Variants in AXDND1 observed in about 807,000 individuals in gnomAD.
The protein encoded by AXDND1 is axonemal dynein light chain domain containing 1.
AXDND1 carries 110 observed loss-of-function variants against 137.5 expected under a neutral mutation model. That is an observed-to-expected ratio of 0.80 (90% confidence interval 0.69 to 0.94). AXDND1 has a LOEUF of 0.94. Among genes scored for constraint, AXDND1 ranks in the 40% least tolerant of loss-of-function variants. The pLI, the probability that AXDND1 is intolerant of heterozygous loss-of-function variation, is 0.00. For synonymous variants in AXDND1, 414 were observed against 399.7 expected, an observed-to-expected ratio of 1.04 and a Z score of -0.43; for missense variants, 1,191 against 1,169.8, an observed-to-expected ratio of 1.02 and a Z score of -0.26.
intron 12 of AXDND1, among the ~76,000 whole-genome samples, chr1:179,426,491 A>T (rs1334309111): frequency 6.6e-6 from 1 of 152,186 alleles, no homozygotes; most frequent in Non-Finnish European, 1.5e-5. Flanking sequence ...TGTACTATTG[A>T]TGGGCATATA....
chr1:179,422,482 T>C (rs910030092), intron 12 of AXDND1, among the ~76,000 whole-genome samples: 4 of 152,216 alleles, frequency 2.6e-5, no homozygotes, highest in African/African-American at 9.6e-5. Flanking sequence ...TATTCCATCA[T>C]TGTGGTCAGA....
intron 12 of AXDND1, among the ~76,000 whole-genome samples, chr1:179,420,737 C>T (rs969313849): frequency 6.6e-6 from 1 of 151,456 alleles, no homozygotes; most frequent in Non-Finnish European, 1.5e-5. Context: ...ATTCTCGTGT[C>T]TCAGCCTCCT....
At chr1:179,395,394 A>G (rs1167876449) in intron 11 of AXDND1, among the ~76,000 whole-genome samples, 192 bp downstream of exon 11, 1 of 152,130 alleles carries the variant, frequency 6.6e-6, no homozygotes, top group Non-Finnish European at 1.5e-5. Flanking sequence ...TCTCTTGGAG[A>G]TAGACCGTTG....
At chr1:179,508,663 T>C (rs1668751929) in intron 20 of AXDND1, among the ~76,000 whole-genome samples, 1 of 152,146 alleles carries the variant, frequency 6.6e-6, no homozygotes, top group Non-Finnish European at 1.5e-5. Flanking sequence ...GAGCACCTTT[T>C]CCAAAAGTGT....
At position 179,366,508 on chromosome 1, in the gene AXDND1, T is replaced by A. The variant is rs1667420803; in HGVS notation, c.-2T>A. 1 of 1,607,392 alleles carries A rather than the reference T, an allele frequency of 6.2e-7. No homozygotes were observed. Among genetic ancestry groups the A allele is most frequent in the African/African-American group, 1.3e-5 (1 of 74,862 alleles). On this transcript the variant is annotated 5_prime_UTR_variant, in exon 2 of 26. Coordinates refer to ENST00000367618, the MANE Select transcript of AXDND1 (RefSeq NM_144696.6). ...CTAAAGAGATAGGAGGCATTGTTTA[T>A]TATGTCTCTCCCGAAAACGCCCTCC... is the stretch of plus-strand genomic sequence containing the variant.
intron 17 of AXDND1, among the ~76,000 whole-genome samples, chr1:179,472,385 T>G (rs1664064760): frequency 6.6e-6 from 1 of 152,224 alleles, no homozygotes; most frequent in African/African-American, 2.4e-5. Context: ...ATTCTAGCAT[T>G]AAAATTATAG....
At chr1:179,470,546 T>C (rs1663794040) in intron 17 of AXDND1, among the ~76,000 whole-genome samples, 1 of 152,166 alleles carries the variant, frequency 6.6e-6, no homozygotes, top group Non-Finnish European at 1.5e-5. Flanking sequence ...TTAAATGTTA[T>C]TGCAAATAAG....
At chr1:179,368,407 A>G (rs1667688374) in intron 2 of AXDND1, among the ~76,000 whole-genome samples, 1 of 152,218 alleles carries the variant, frequency 6.6e-6, no homozygotes, top group Non-Finnish European at 1.5e-5. Flanking sequence ...AAATTACTAA[A>G]TAATTTGACA....
rs182996209 is a variant in AXDND1 at position 179,503,555 on chromosome 1, A to T, written c.2389-5741A>T. ...TTTTTTTAATTTTTATTTTTATTTT[A>T]ATTTTATTGTTATTATACTTTAAGT... On this transcript the variant is annotated intron_variant, in intron 20 of 25. Transcript: ENST00000367618. Among the ~76,000 whole-genome samples, 47 of 151,428 alleles carry T rather than the reference A, an allele frequency of 3.1e-4. No homozygotes were observed. The East Asian group carries it at 3.3e-3, about 11-fold the overall frequency.
At position 179,379,425 on chromosome 1, in the gene AXDND1, C is replaced by T. The variant is rs1449251530; in HGVS notation, c.524C>T (p.Pro175Leu). The T allele has an allele frequency of 6.2e-6, 10 of 1,613,190 alleles. No individual in the cohort carries two copies. The highest frequency in any genetic ancestry group is 2.7e-5 in the African/African-American group (2 of 74,800). ...AAGACACTAACAGATACTTTGATTC[C>T]TGAAGAATTTCATATTGTGTCAAGT... is the stretch of plus-strand genomic sequence containing the variant. The part of the protein sequence containing the change: ...KPKTLTDTLI[P>L]EEFHIVSSTG... The change falls in exon 6 of 26, where the codon CCT becomes CTT. Residue 175 changes from proline to leucine, a missense_variant. Physicochemically the swap from Pro to Leu is moderately conservative, Grantham distance 98. Coordinates refer to ENST00000367618, the MANE Select transcript of AXDND1 (RefSeq NM_144696.6).
In AXDND1 at chr1:179,430,548, A is replaced by G; in HGVS notation, c.1429A>G (p.Thr477Ala). The change falls in exon 14 of 26, where the codon ACA becomes GCA. Residue 477 changes from threonine (T) to alanine (A), a missense_variant. Transcript: ENST00000367618. The part of the protein sequence containing the change: ...KQEVEQMEES[T>A]SETLKIVKDG... ...AGAGGTAGAACAAATGGAAGAGTCT[A>G]CAAGCGAGACACTGAAAATTGTTAA... The G allele has an allele frequency of 6.2e-7, 1 of 1,614,010 alleles. No individual in the cohort carries two copies. Among genetic ancestry groups the G allele is most frequent in the Non-Finnish European group, 8.5e-7 (1 of 1,179,970 alleles).
At chr1:179,393,053 A>G (rs572489651) in intron 9 of AXDND1, among the ~76,000 whole-genome samples, 1 of 152,310 alleles carries the variant, frequency 6.6e-6, no homozygotes, top group South Asian at 2.1e-4. Flanking sequence ...GCCTAAGCCA[A>G]TGTCTAGAAG....
chr1:179,369,260 TA>T (rs1451830545), intron 3 of AXDND1, among the ~76,000 whole-genome samples: 1 of 151,520 alleles, frequency 6.6e-6, no homozygotes, highest in African/African-American at 2.4e-5. Flanking sequence ...GTATTTTTCA[TA>T]GAGACGGAGT....
chr1:179,413,026 T>C (rs1405275192), intron 12 of AXDND1, among the ~76,000 whole-genome samples: 1 of 152,162 alleles, frequency 6.6e-6, no homozygotes, highest in Non-Finnish European at 1.5e-5. Context: ...TCTGTGTCAA[T>C]TGAGATTACT....
intron 11 of AXDND1, among the ~76,000 whole-genome samples, chr1:179,396,426 G>A (rs924213586): frequency 6.6e-6 from 1 of 152,068 alleles, no homozygotes; most frequent in African/African-American, 2.4e-5. Context: ...GAGGTGGGTG[G>A]ATGATGAGGT....
At chr1:179,457,310 T>G (rs1661556073) in intron 16 of AXDND1, 1 of 625,454 alleles carries the variant, frequency 1.6e-6, no homozygotes, top group African/African-American at 1.8e-5. Flanking sequence ...GTTTGGGCTC[T>G]TTAGGAGACT....
At chr1:179,380,608 A>G (rs1648102076) in intron 6 of AXDND1, among the ~76,000 whole-genome samples, 1 of 152,202 alleles carries the variant, frequency 6.6e-6, no homozygotes, top group Non-Finnish European at 1.5e-5. Flanking sequence ...TGAATGTTTT[A>G]TAGTTTAGAA....
rs184455170 is a variant in AXDND1 at position 179,449,218 on chromosome 1, G to A, written c.1798+4014G>A. 2.0e-3 allele frequency: 847 copies of A among 421,538 alleles called. 4 individuals carry two copies. Among genetic ancestry groups the A allele is most frequent in the South Asian group, 3.8e-3 (223 of 58,790 alleles). The allele number at this position is 421,538 out of a possible 1,614,324, so 26.1% of individuals were successfully genotyped here. A position where few individuals can be genotyped will look rare whatever the true frequency, so the allele number is the denominator to read the frequency against. On this transcript the variant is annotated intron_variant, in intron 16 of 25. Coordinates refer to ENST00000367618, the MANE Select transcript of AXDND1 (RefSeq NM_144696.6). ...AATTTTTATATAGTGTGTGAGGTAA[G>A]GCTCTAATTTCATTCTTTTGCATGT...
At chr1:179,434,414 G>C (rs1354313447) in intron 15 of AXDND1, among the ~76,000 whole-genome samples, 1 of 152,060 alleles carries the variant, frequency 6.6e-6, no homozygotes, top group East Asian at 1.9e-4. Context: ...GAAAACTTCA[G>C]GCCAGTATCC....
Sources: gnomAD v4.1 joint callset for allele counts (sites outside exome capture counted in the v4.1 genomes callset) on GRCh38, gnomAD v4.1.1 for gene constraint, MANE v1.5 for transcripts, NCBI Gene and HGNC (gene_info 2026-07-23, HGNC 2026-07-21) for gene names.